Variants in GARIN2 observed in about 807,000 individuals in gnomAD.
The protein encoded by GARIN2 is golgi associated RAB2 interactor family member 2, also known as Golgi-associated RAB2 interactor protein 2.
chr14:67,216,379 G>GT, the GARIN2 span, among the ~76,000 whole-genome samples: 35 of 150,982 alleles, frequency 2.3e-4, no homozygotes, highest in African/African-American at 7.0e-4. Flanking sequence ...ATATTTTGGG[G>GT]TTTTTTTTCA....
the GARIN2 span, among the ~76,000 whole-genome samples, chr14:67,226,609 C>T: frequency 1.3e-5 from 2 of 152,144 alleles, no homozygotes; most frequent in Non-Finnish European, 2.9e-5. Context: ...GATCCGCCCG[C>T]CTCAGCCTCC....
the GARIN2 span, chr14:67,227,561 A>ATT: frequency 2.6e-5 from 4 of 152,112 alleles, no homozygotes; most frequent in African/African-American, 9.7e-5. Context: ...ACTAATACAG[A>ATT]CTTCATATTA....
the GARIN2 span, chr14:67,198,086 A>G: frequency 6.6e-7 from 1 of 1,521,684 alleles, no homozygotes; most frequent in Non-Finnish European, 8.8e-7. Context: ...CAACTTAATT[A>G]TGATATTAAA....
the GARIN2 span, chr14:67,225,003 C>T: frequency 0.091 from 73,408 of 810,094 alleles, 9,265 homozygotes; most frequent in East Asian, 0.41. Context: ...TCAAAATAAG[C>T]TCTTTCTCCT....
the GARIN2 span, chr14:67,224,744 T>A: frequency 7.6e-6 from 2 of 263,596 alleles, no homozygotes; most frequent in Non-Finnish European, 1.5e-5. Context: ...AAAAATCACA[T>A]AAAATATTGG....
chr14:67,207,020 T>G, the GARIN2 span, among the ~76,000 whole-genome samples: 158 of 152,316 alleles, frequency 1.0e-3, 1 homozygote, highest in Non-Finnish European at 1.5e-3. Flanking sequence ...TTATTCATTA[T>G]AGGATTTTCC....
chr14:67,217,033 T>C, the GARIN2 span, among the ~76,000 whole-genome samples: 1 of 152,204 alleles, frequency 6.6e-6, no homozygotes, highest in Non-Finnish European at 1.5e-5. Context: ...TATTATTGTA[T>C]TGGGATCTCT....
the GARIN2 span, among the ~76,000 whole-genome samples, chr14:67,213,476 C>T: frequency 1.3e-5 from 2 of 150,620 alleles, no homozygotes; most frequent in Non-Finnish European, 3.0e-5. Flanking sequence ...CATCCATGTC[C>T]CTACAAAGGA....
chr14:67,193,143 T>TATCTATATATCTCTATATAGAC, the GARIN2 span, among the ~76,000 whole-genome samples: 1,353 of 143,484 alleles, frequency 9.4e-3, 11 homozygotes, highest in Non-Finnish European at 0.011. Context: ...TATAGACATC[T>TATCTATATATCTCTATATAGAC]ATCTATATAT....
the GARIN2 span, chr14:67,224,678 AT>A: frequency 9.4e-6 from 3 of 319,982 alleles, no homozygotes; most frequent in Non-Finnish European, 1.8e-5. Flanking sequence ...ATTCTTTGAT[AT>A]TTTTTCCAAG....
At chr14:67,226,202 A>ATT in the GARIN2 span, among the ~76,000 whole-genome samples, 1 of 151,738 alleles carries the variant, frequency 6.6e-6, no homozygotes, top group Non-Finnish European at 1.5e-5. Flanking sequence ...TTTTATTTTT[A>ATT]TTTTTTTGAG....
the GARIN2 span, chr14:67,208,284 T>C: frequency 6.2e-7 from 1 of 1,613,982 alleles, no homozygotes; most frequent in Non-Finnish European, 8.5e-7. Context: ...TCAAAACATG[T>C]CACCATCTCA....
At chr14:67,225,260 C>A in the GARIN2 span, 1 of 1,500,696 alleles carries the variant, frequency 6.7e-7, no homozygotes, top group Non-Finnish European at 8.8e-7. Context: ...GTAAGACAAA[C>A]TAAAGGTAAC....
chr14:67,200,147 G>T, the GARIN2 span: 3 of 1,137,666 alleles, frequency 2.6e-6, no homozygotes, highest in Non-Finnish European at 3.8e-6. Flanking sequence ...TCTCCCATGG[G>T]TCACCCAGGT....
the GARIN2 span, among the ~76,000 whole-genome samples, chr14:67,210,037 A>T: frequency 6.6e-6 from 1 of 152,162 alleles, no homozygotes; most frequent in East Asian, 1.9e-4. Context: ...TTAGGTGTCA[A>T]CAACACTCTT....
the GARIN2 span, chr14:67,224,081 A>C: frequency 1.8e-4 from 146 of 801,366 alleles, no homozygotes; most frequent in Middle Eastern, 6.5e-4. Flanking sequence ...CCATGATCTC[A>C]AATTCATCTC....
At chr14:67,215,921 C>G in the GARIN2 span, among the ~76,000 whole-genome samples, 1 of 152,216 alleles carries the variant, frequency 6.6e-6, no homozygotes, top group Non-Finnish European at 1.5e-5. Context: ...TTTCCTTGCC[C>G]AAAACAAATG....
chr14:67,208,260 A>T, the GARIN2 span: 8 of 1,613,946 alleles, frequency 5.0e-6, no homozygotes, highest in Non-Finnish European at 6.8e-6. Flanking sequence ...AGTAAGAGTG[A>T]GTTGAAAGAA....
chr14:67,207,436 G>T, the GARIN2 span, among the ~76,000 whole-genome samples: 1 of 151,618 alleles, frequency 6.6e-6, no homozygotes, highest in Non-Finnish European at 1.5e-5. Context: ...ACAGCACCAA[G>T]CCATTCATGA....
Sources: gnomAD v4.1 joint callset for allele counts (sites outside exome capture counted in the v4.1 genomes callset) on GRCh38, gnomAD v4.1.1 for gene constraint, MANE v1.5 for transcripts, NCBI Gene and HGNC (gene_info 2026-07-23, HGNC 2026-07-21) for gene names.